Variants in LDLRAD4 observed in about 807,000 individuals in gnomAD.
The protein encoded by LDLRAD4 is low density lipoprotein receptor class A domain containing 4, also known as low-density lipoprotein receptor class A domain-containing protein 4.
LDLRAD4 carries 5 observed loss-of-function variants against 17.0 expected under a neutral mutation model. That is an observed-to-expected ratio of 0.29 (90% confidence interval 0.15 to 0.62). The LOEUF (loss-of-function observed/expected upper bound fraction) is 0.62. Among genes scored for constraint, LDLRAD4 ranks in the 20% least tolerant of loss-of-function variants. LDLRAD4 has a pLI of 0.84. For synonymous variants in LDLRAD4, 168 were observed against 171.8 expected, an observed-to-expected ratio of 0.98 and a Z score of 0.17; for missense variants, 340 against 424.7, an observed-to-expected ratio of 0.80 and a Z score of 1.75.
At chr18:13,352,260 C>G (rs2083083915) in intron 1 of LDLRAD4, among the ~76,000 whole-genome samples, 1 of 152,140 alleles carries the variant, frequency 6.6e-6, no homozygotes, top group African/African-American at 2.4e-5. Flanking sequence ...GAAGTTGTGG[C>G]CAGGGCAATC....
At position 13,437,372 on chromosome 18, in the gene LDLRAD4, T is replaced by G. The variant is rs1237954725; in HGVS notation, c.41-872T>G. On this transcript the variant is annotated intron_variant, in intron 2 of 5. Coordinates refer to ENST00000359446, the Ensembl canonical transcript of LDLRAD4. ...CCACACTCAGAATGCAGGATGACAGTCACTGTAAGATGTAATGGACCTTTC... is the reference window on the plus strand; with the variant it reads ...CCACACTCAGAATGCAGGATGACAGGCACTGTAAGATGTAATGGACCTTTC... Among the ~76,000 whole-genome samples the G allele has an allele frequency of 2.0e-5, 3 of 152,252 alleles. 1 individual carries two copies.
chr18:13,614,380 G>A (rs896361010), intron 3 of LDLRAD4: 2 of 152,196 alleles, frequency 1.3e-5, no homozygotes, highest in South Asian at 4.1e-4. Flanking sequence ...AGCTTTTAAA[G>A]GAAGATAAAG....
intron 3 of LDLRAD4, among the ~76,000 whole-genome samples, chr18:13,481,092 C>T (rs1040712326): frequency 1.3e-5 from 2 of 152,218 alleles, no homozygotes; most frequent in African/African-American, 2.4e-5. Context: ...CAGACAGACA[C>T]GCCAGTGTGG....
intron 1 of LDLRAD4, among the ~76,000 whole-genome samples, chr18:13,375,191 A>G (rs2084815565): frequency 6.6e-6 from 1 of 152,208 alleles, no homozygotes; most frequent in South Asian, 2.1e-4. Context: ...GGGTCCGTGC[A>G]GCTCTGAATG....
At chr18:13,320,898 C>T (rs1336641430) in intron 1 of LDLRAD4, among the ~76,000 whole-genome samples, 1 of 152,162 alleles carries the variant, frequency 6.6e-6, no homozygotes, top group African/African-American at 2.4e-5. Context: ...CAGTGGGACC[C>T]TCCAGAAGGT....
chr18:13,399,978 C>G (rs1473087107), intron 2 of LDLRAD4, among the ~76,000 whole-genome samples: 2 of 152,204 alleles, frequency 1.3e-5, no homozygotes, highest in Non-Finnish European at 2.9e-5. Flanking sequence ...AGAATTTAAA[C>G]AAACATGTCG....
intron 1 of LDLRAD4, among the ~76,000 whole-genome samples, chr18:13,361,811 G>A (rs189255695): frequency 6.6e-6 from 1 of 152,250 alleles, no homozygotes; most frequent in East Asian, 1.9e-4. Context: ...TGCATTCTTG[G>A]TAGGGTCTGC....
chr18:13,549,857 A>G (rs912575451), intron 3 of LDLRAD4, among the ~76,000 whole-genome samples: 3 of 152,156 alleles, frequency 2.0e-5, no homozygotes, highest in African/African-American at 7.2e-5. Flanking sequence ...CAATTTTGCC[A>G]TCAAACAGAA....
At chr18:13,493,111 T>A (rs2093392488) in intron 3 of LDLRAD4, among the ~76,000 whole-genome samples, 1 of 151,978 alleles carries the variant, frequency 6.6e-6, no homozygotes, top group East Asian at 1.9e-4. Flanking sequence ...AGAAAGATCT[T>A]GTCTTAAAAA....
rs2094559720 is a variant in LDLRAD4 at position 13,563,221 on chromosome 18, T to G, written c.182-57896T>G. ...TAACTAATTATGCCTGTAGAGAACA[T>G]GAGCATGTTCACAACCCCCAATTAA... On this transcript the variant is annotated intron_variant, in intron 3 of 5. Transcript: ENST00000359446. Among the ~76,000 whole-genome samples, 2 of 152,240 alleles carry G rather than the reference T, an allele frequency of 1.3e-5. 1 individual carries two copies. Among genetic ancestry groups the G allele is most frequent in the South Asian group, 4.1e-4 (2 of 4,832 alleles).
At chr18:13,480,048 A>G (rs1432882526) in intron 3 of LDLRAD4, among the ~76,000 whole-genome samples, 3 of 152,290 alleles carry the variant, frequency 2.0e-5, no homozygotes, top group Middle Eastern at 3.4e-3. Context: ...TGATCCAACA[A>G]TTGTGCTCCT....
At chr18:13,408,780 T>A (rs2088035744) in intron 2 of LDLRAD4, among the ~76,000 whole-genome samples, 1 of 152,206 alleles carries the variant, frequency 6.6e-6, no homozygotes, top group South Asian at 2.1e-4. Context: ...CGAGCTTCCT[T>A]TTGGCTTGGA....
At chr18:13,570,716 C>A (rs917964041) in intron 3 of LDLRAD4, among the ~76,000 whole-genome samples, 1 of 152,268 alleles carries the variant, frequency 6.6e-6, no homozygotes, top group African/African-American at 2.4e-5. Flanking sequence ...AGGGCGAGCT[C>A]CACCTTGGTG....
intron 3 of LDLRAD4, among the ~76,000 whole-genome samples, chr18:13,453,850 C>A (rs1568179551): frequency 6.6e-6 from 1 of 152,218 alleles, no homozygotes; most frequent in African/African-American, 2.4e-5. Flanking sequence ...ACAATAATGA[C>A]GCAATGTGTG....
chr18:13,391,235 G>C (rs187049272), intron 2 of LDLRAD4, among the ~76,000 whole-genome samples: 27 of 152,288 alleles, frequency 1.8e-4, no homozygotes, highest in Non-Finnish European at 2.5e-4. Flanking sequence ...GTCACTTTAT[G>C]TTCCAATTCT....
chr18:13,273,843 G>A (rs1300622961), upstream of LDLRAD4, among the ~76,000 whole-genome samples: 1 of 152,182 alleles, frequency 6.6e-6, no homozygotes, highest in African/African-American at 2.4e-5. Flanking sequence ...GGTGGTGCCT[G>A]TCCCTTTTCA....
intron 3 of LDLRAD4, 130 bp from the exon 5 acceptor site, chr18:13,620,987 T>A: frequency 4.7e-6 from 6 of 1,274,960 alleles, no homozygotes; most frequent in African/African-American, 1.5e-5. Flanking sequence ...TTCTGTGTCC[T>A]GCTGGCCTCT....
intron 3 of LDLRAD4, among the ~76,000 whole-genome samples, chr18:13,447,225 A>G (rs1055689052): frequency 6.7e-6 from 1 of 149,866 alleles, no homozygotes; most frequent in Non-Finnish European, 1.5e-5. Context: ...GTGGAGGGCA[A>G]TATGCCTCTC....
chr18:13,612,893 T>C, intron 3 of LDLRAD4: 1 of 1,191,178 alleles, frequency 8.4e-7, no homozygotes, highest in Non-Finnish European at 1.2e-6. Context: ...TCAAGAAGTT[T>C]CTTTCTACCT....
Sources: allele counts gnomAD v4.1 joint callset (sites outside exome capture counted in the v4.1 genomes callset), GRCh38; gene constraint gnomAD v4.1.1; transcripts MANE v1.5; gene names NCBI Gene and HGNC (gene_info 2026-07-23, HGNC 2026-07-21).